CROCC2: variants seen among roughly 807,000 people sequenced by gnomAD.
The protein encoded by CROCC2 is ciliary rootlet coiled-coil, rootletin family member 2.
Under a neutral mutation model 177.6 loss-of-function variants are expected in CROCC2, and 163 were observed. The ratio of observed to expected loss-of-function variants is 0.92; its 90% confidence interval spans 0.81 to 1.05. CROCC2 has a LOEUF of 1.05. Ranked by LOEUF, CROCC2 falls within the 50% of genes least tolerant of loss-of-function variation. The pLI is 0.00. For missense variants in CROCC2, 1,929 were observed against 1,797.8 expected (o/e 1.07, Z -1.32); for synonymous variants, 904 against 787.3 (o/e 1.15, Z -2.48).
intron 20 of CROCC2, chr2:240,959,848 C>T (rs2106475854): frequency 1.2e-5 from 2 of 163,992 alleles, no homozygotes; most frequent in South Asian, 3.6e-4. Flanking sequence ...AGGGAGCTCC[C>T]TGGAGGCTGC....
chr2:240,933,842 C>G lies in CROCC2; in HGVS notation c.1636C>G (p.Leu546Val). The G allele has an allele frequency of 6.5e-7, 1 of 1,546,128 alleles. No individual in the cohort carries two copies. The highest frequency in any genetic ancestry group is 2.0e-5 in the Admixed American group (1 of 50,960). ...ALRRERSCRA[L>V]ETSQGRLQQL... ...GCGGAGGGAGCGGAGCTGCAGGGCA[C>G]TGGAGACCAGGTGCGCGGCCGTGGC... Residue 546 changes from leucine to valine, a missense_variant, in exon 11 of 32, where the codon CTG (leucine) becomes GTG (valine). Coordinates refer to ENST00000690015, the MANE Select transcript of CROCC2 (RefSeq NM_001351305.2).
chr2:240,932,166 C>T (rs1487503877), intron 7 of CROCC2, among the ~76,000 whole-genome samples, 152 bp from the exon 8 acceptor site: 2 of 152,284 alleles, frequency 1.3e-5, no homozygotes, highest in East Asian at 3.9e-4. Flanking sequence ...GACACATGCT[C>T]AGACCAGGGA....
At chr2:240,943,578 C>G (rs2059505965) in intron 14 of CROCC2, among the ~76,000 whole-genome samples, 1 of 151,560 alleles carries the variant, frequency 6.6e-6, no homozygotes, top group African/African-American at 2.4e-5. Flanking sequence ...ACCTCCGCCT[C>G]CTGGGTTCAA....
chr2:240,914,671 G>A (rs2059307908), intron 1 of CROCC2, among the ~76,000 whole-genome samples: 3 of 152,100 alleles, frequency 2.0e-5, no homozygotes, highest in Admixed American at 6.5e-5. Context: ...ACCCCTCAAT[G>A]AGGGTGACCC....
Position 240,918,849 on chromosome 2 carries a change from G to T in CROCC2, c.202G>T (p.Gly68Cys), listed in dbSNP as rs201526845. The T allele has an allele frequency of 3.0e-6, 2 of 660,178 alleles. No homozygotes were observed. The highest frequency in any genetic ancestry group is 3.7e-5 in the African/African-American group (2 of 54,016). 40.9% of individuals were successfully genotyped at this position (660,178 alleles called of 1,614,324 possible). ...VPTRIREIVAGSLSEEPPQAG... is the reference protein window; with the variant it reads ...VPTRIREIVACSLSEEPPQAG... ...CACCCGCATCCGTGAGATCGTGGCC[G>T]GCAGCCTGAGTGAGGAGCCACCCCA... The change falls in exon 2 of 32, where the codon GGC (glycine) becomes TGC (cysteine). Residue 68 changes from glycine to cysteine, a missense_variant. Physicochemically the swap from Gly to Cys is radical, Grantham distance 159. Coordinates refer to ENST00000690015, the MANE Select transcript of CROCC2 (RefSeq NM_001351305.2). The surrounding 1 kb of genome is among the most constrained non-coding windows in gnomAD (Gnocchi z 6.3).
rs74000175 is a variant in CROCC2, at chr2:240,946,011, C to T, written c.2170-49C>T. 2,623 of 1,403,372 alleles carry T rather than the reference C, an allele frequency of 1.9e-3. 45 individuals are homozygous for T. In the African/African-American group the frequency reaches 0.034, roughly 18 times the overall value. The allele number at this position is 1,403,372 out of a possible 1,614,324, so 86.9% of individuals were successfully genotyped here. ...CCCTCAAGAGGCCCATGCTCACCCACCCACTTACTCTCTTTCTCTGCCGAC... is the reference window on the plus strand; with the variant it reads ...CCCTCAAGAGGCCCATGCTCACCCATCCACTTACTCTCTTTCTCTGCCGAC... On this transcript the variant is annotated intron_variant, in intron 14 of 31. Transcript: ENST00000690015.
chr2:240,966,102 AT>A, intron 24 of CROCC2, 109 bp downstream of exon 24: 1 of 1,269,580 alleles, frequency 7.9e-7, no homozygotes, highest in Non-Finnish European at 9.9e-7. Context: ...CGGACAGGCA[AT>A]TGTAGGAACC....
In CROCC2 at chr2:240,968,095, G is replaced by T. The variant is rs2059695899; in HGVS notation, c.4268-34G>T. ...CCTGCCTGTGACCTGGGAGGGGCAT[G>T]GGGGCCCCTCAAGCCACCCTGCTTG... On this transcript the variant is annotated intron_variant, in intron 26 of 31. Coordinates refer to ENST00000690015, the MANE Select transcript of CROCC2 (RefSeq NM_001351305.2). The T allele has an allele frequency of 3.6e-6, 5 of 1,403,518 alleles. No individual in the cohort carries two copies. The South Asian group carries it at 7.9e-5, about 22-fold the overall frequency. 86.9% of individuals were successfully genotyped at this position (1,403,518 alleles called of 1,614,324 possible).
At position 240,973,412 on chromosome 2, in the gene CROCC2, T is replaced by G. The variant is rs1481374341; in HGVS notation, c.4401+5150T>G. Among the ~76,000 whole-genome samples the G allele has an allele frequency of 6.6e-6, 1 of 151,210 alleles. No individual in the cohort carries two copies. The highest frequency in any genetic ancestry group is 1.9e-4 in the East Asian group (1 of 5,164). ...TCACTCAGCATCACCCACAGCCTCA[T>G]GCCCGCTCAGAAAGGCCCCCCATGC... is the stretch of plus-strand genomic sequence containing the variant. On this transcript the variant is annotated intron_variant, in intron 27 of 31. Coordinates refer to ENST00000690015, the MANE Select transcript of CROCC2 (RefSeq NM_001351305.2). The surrounding 1 kb of genome is among the most constrained non-coding windows in gnomAD (Gnocchi z 4.7).
chr2:240,967,632 G>A (rs1004717542), intron 26 of CROCC2, 167 bp downstream of exon 26: 80 of 960,754 alleles, frequency 8.3e-5, no homozygotes, highest in Non-Finnish European at 9.2e-5. Flanking sequence ...CTGGGTCAGC[G>A]CTTGGCATCG....
Position 240,933,372 on chromosome 2 carries a change from G to A in CROCC2, c.1463+30G>A, listed in dbSNP as rs548076219. On this transcript the variant is annotated intron_variant, in intron 10 of 31. Transcript: ENST00000690015. ...TGGGGTGAAGGGGTTGCACGGCCTT[G>A]CACAGGGTGTATGGGATCCTGAGGG... is the stretch of plus-strand genomic sequence containing the variant. The A allele has an allele frequency of 1.8e-4, 270 of 1,476,278 alleles. No individual in the cohort carries two copies. In the African/African-American group the frequency reaches 3.4e-3, roughly 18 times the overall value. 91.4% of individuals were successfully genotyped at this position (1,476,278 alleles called of 1,614,324 possible).
At chr2:240,928,550 G>A (rs2059408592) in intron 5 of CROCC2, among the ~76,000 whole-genome samples, 1 of 152,142 alleles carries the variant, frequency 6.6e-6, no homozygotes, top group African/African-American at 2.4e-5. Context: ...CTGCATTCAG[G>A]AAGAGGCTGT....
chr2:240,985,856 A>C (rs1486746312), intron 28 of CROCC2: 2 of 425,694 alleles, frequency 4.7e-6, no homozygotes, highest in Non-Finnish European at 9.5e-6. Flanking sequence ...TGGGGGTCTC[A>C]CTGCCCCCCA....
At position 240,963,730 on chromosome 2, in the gene CROCC2, G is replaced by C; in HGVS notation, c.3262G>C (p.Glu1088Gln). 1 of 1,550,186 alleles carries C rather than the reference G, an allele frequency of 6.5e-7. No individual in the cohort carries two copies. The highest frequency in any genetic ancestry group is 8.7e-7 in the Non-Finnish European group (1 of 1,146,800). ...EKDVLLLFNS[E>Q]LRATICRAEQ... is the part of the protein sequence containing the mutation. ...GGACGTACTGTTGCTTTTCAACAGC[G>C]AGCTGCGGGCCACCATCTGCAGGGC... The change falls in exon 21 of 32, where the codon GAG becomes CAG. Residue 1088 changes from glutamate to glutamine, a missense_variant. Around this residue, in one of 3 missense-constraint regions of CROCC2, gnomAD observed 1,397 missense variants for 1,239.9 expected, o/e 1.13. Transcript: ENST00000690015.
At chr2:240,906,638 C>T in intron 1 of CROCC2, 47 bp downstream of exon 1, 1 of 399,066 alleles carries the variant, frequency 2.5e-6, no homozygotes, top group Non-Finnish European at 4.4e-6. Flanking sequence ...AGCAGGTTGC[C>T]AGGACACTTT....
Position 240,955,936 on chromosome 2 carries a change from A to ACAGCAGGAGGCACAGAGC in CROCC2, c.2917_2934dup (p.Ala973_Glu978dup), listed in dbSNP as rs750335854. On this transcript the variant is annotated inframe_insertion, in exon 19 of 32. Transcript: ENST00000690015. ...GGGCCAGGAGGACGCTAGAGCGGGT[A>ACAGCAGGAGGCACAGAGC]CAGCAGGAGGCACAGAGCCAGCAGG... The ACAGCAGGAGGCACAGAGC allele has an allele frequency of 2.7e-5, 41 of 1,534,720 alleles. No individual in the cohort carries two copies. In the South Asian group the frequency reaches 4.5e-4, roughly 17 times the overall value.
At chr2:240,967,733 C>A (rs1021281315) in intron 26 of CROCC2, among the ~76,000 whole-genome samples, 1 of 152,080 alleles carries the variant, frequency 6.6e-6, no homozygotes, top group African/African-American at 2.4e-5. Flanking sequence ...ATCCTCTGCC[C>A]CCCTGCCCCA....
intron 5 of CROCC2, chr2:240,929,638 G>A (rs1243150846): frequency 2.2e-6 from 1 of 455,172 alleles, no homozygotes; most frequent in Non-Finnish European, 4.4e-6. Flanking sequence ...TTGCTTCTGT[G>A]TCCCTGGCAC....
intron 1 of CROCC2, among the ~76,000 whole-genome samples, chr2:240,914,250 T>G (rs1244842384): frequency 6.6e-6 from 1 of 152,326 alleles, no homozygotes; most frequent in East Asian, 1.9e-4. Context: ...ACGCTGCTGC[T>G]GAGCAGGTGC....
Sources: gnomAD v4.1 joint callset for allele counts (sites outside exome capture counted in the v4.1 genomes callset) on GRCh38, gnomAD v4.1.1 for gene constraint, gnomAD v4.1.1 regional missense constraint, Gnocchi (gnomAD v3.1) non-coding constraint, MANE v1.5 for transcripts, NCBI Gene and HGNC (gene_info 2026-07-23, HGNC 2026-07-21) for gene names.